The following C8orf34 variants were observed in gnomAD, a reference collection of about 807,000 sequenced individuals.
C8orf34 encodes chromosome 8 open reading frame 34, also known as uncharacterized protein C8orf34.
Under a neutral mutation model 68.3 loss-of-function variants are expected in C8orf34, and 65 were observed. That is an observed-to-expected ratio of 0.95 (90% CI 0.78 to 1.17). C8orf34 has a LOEUF of 1.17. Ranked by LOEUF, C8orf34 falls within the 50% of genes most tolerant of loss-of-function variation. C8orf34 has a pLI of 0.00. For synonymous variants in C8orf34, 244 were observed against 241.2 expected, an observed-to-expected ratio of 1.01 and a Z score of -0.11; for missense variants, 664 against 655.4, an observed-to-expected ratio of 1.01 and a Z score of -0.14.
chr8:68,525,956 CT>C (rs10692707), intron 6 of C8orf34: 9,316 of 177,958 alleles, frequency 0.052, 1 homozygote, highest in South Asian at 0.13. Flanking sequence ...TTCTTTCTTT[CT>C]TTTTTTTTTT....
At chr8:68,621,428 G>A (rs1204366688) in intron 7 of C8orf34, among the ~76,000 whole-genome samples, 1 of 152,164 alleles carries the variant, frequency 6.6e-6, no homozygotes, top group Non-Finnish European at 1.5e-5. Context: ...CAACATAGCT[G>A]TAATAAACAC....
At chr8:68,534,320 G>T in intron 7 of C8orf34, 1 of 985,384 alleles carries the variant, frequency 1.0e-6, no homozygotes, top group Non-Finnish European at 1.2e-6. Flanking sequence ...TAACATGGCA[G>T]ACGTGCCCTA....
chr8:68,418,397 A>T (rs1402678009), intron 1 of C8orf34, among the ~76,000 whole-genome samples: 1 of 151,942 alleles, frequency 6.6e-6, no homozygotes, highest in Admixed American at 6.6e-5. Context: ...ATGCTTCTAG[A>T]TTTTGCCCAT....
chr8:68,644,466 G>A (rs1819106263), intron 8 of C8orf34, among the ~76,000 whole-genome samples: 1 of 152,132 alleles, frequency 6.6e-6, no homozygotes, highest in South Asian at 2.1e-4. Flanking sequence ...CTGTCTTTAG[G>A]TGGATGAGGG....
At chr8:68,520,422 C>G (rs1814699065) in intron 5 of C8orf34, among the ~76,000 whole-genome samples, 1 of 151,992 alleles carries the variant, frequency 6.6e-6, no homozygotes, top group Non-Finnish European at 1.5e-5. Context: ...AGACTCAGAA[C>G]ACCATCTGAA....
intron 11 of C8orf34, among the ~76,000 whole-genome samples, chr8:68,778,264 A>C (rs2129528674): frequency 6.6e-6 from 1 of 152,322 alleles, no homozygotes; most frequent in South Asian, 2.1e-4. Flanking sequence ...GTAAACAATA[A>C]AAAATAGTAT....
At chr8:68,402,550 A>G (rs931635907) in intron 1 of C8orf34, among the ~76,000 whole-genome samples, 6 of 151,878 alleles carry the variant, frequency 4.0e-5, no homozygotes, top group African/African-American at 1.2e-4. Context: ...AATGTGATAA[A>G]CTTCCCTCTT....
At chr8:68,475,151 T>A (rs1004014128) in intron 4 of C8orf34, among the ~76,000 whole-genome samples, 5 of 152,182 alleles carry the variant, frequency 3.3e-5, no homozygotes, top group Non-Finnish European at 5.9e-5. Context: ...AGTCTCACCA[T>A]CAGCTCCTTC....
chr8:68,574,878 T>A (rs1816856935), intron 7 of C8orf34, among the ~76,000 whole-genome samples: 3 of 151,978 alleles, frequency 2.0e-5, no homozygotes, highest in Non-Finnish European at 2.9e-5. Context: ...TCAGTAAACA[T>A]GTCTTCTTTA....
At chr8:68,475,144 C>T (rs185072562) in intron 4 of C8orf34, among the ~76,000 whole-genome samples, 132 of 152,302 alleles carry the variant, frequency 8.7e-4, no homozygotes, top group African/African-American at 2.9e-3. Flanking sequence ...GCCCTGAAGT[C>T]TCACCATCAG....
chr8:68,780,594 C>A (rs1367443682), intron 11 of C8orf34, among the ~76,000 whole-genome samples: 1 of 152,060 alleles, frequency 6.6e-6, no homozygotes, highest in African/African-American at 2.4e-5. Context: ...TTTTACAATT[C>A]CCAAAATAAA....
chr8:68,333,868 C>G (rs1805736147), intron 1 of C8orf34, among the ~76,000 whole-genome samples: 1 of 152,168 alleles, frequency 6.6e-6, no homozygotes, highest in South Asian at 2.1e-4. Flanking sequence ...GTCAGTGTAG[C>G]TGACACAGGC....
At chr8:68,356,872 A>G (rs1049276797) in intron 1 of C8orf34, among the ~76,000 whole-genome samples, 1 of 152,146 alleles carries the variant, frequency 6.6e-6, no homozygotes, top group Admixed American at 6.6e-5. Flanking sequence ...ATATAGGAGC[A>G]TATAACGCCT....
intron 10 of C8orf34, among the ~76,000 whole-genome samples, chr8:68,736,978 C>A (rs1469354182): frequency 2.0e-5 from 3 of 151,982 alleles, no homozygotes; most frequent in Non-Finnish European, 4.4e-5. Context: ...TTTTATCTAA[C>A]TAAATAACAG....
chr8:68,562,538 A>G (rs1229516274), intron 7 of C8orf34, among the ~76,000 whole-genome samples: 2 of 152,230 alleles, frequency 1.3e-5, no homozygotes, highest in African/African-American at 4.8e-5. Flanking sequence ...CAACAAGCAC[A>G]GTTACTTAGA....
chr8:68,619,937 A>C (rs933247820), intron 7 of C8orf34, among the ~76,000 whole-genome samples: 24 of 152,214 alleles, frequency 1.6e-4, no homozygotes, highest in African/African-American at 5.1e-4. Context: ...TACTCCTCAG[A>C]ATAGAAAACC....
intron 5 of C8orf34, among the ~76,000 whole-genome samples, chr8:68,497,704 A>G (rs1279433508): frequency 6.6e-6 from 1 of 152,220 alleles, no homozygotes; most frequent in African/African-American, 2.4e-5. Context: ...TCTATGGATT[A>G]AGGAATGACC....
chr8:68,585,735 G>T (rs1038176859), intron 7 of C8orf34, among the ~76,000 whole-genome samples: 4 of 152,148 alleles, frequency 2.6e-5, no homozygotes, highest in African/African-American at 9.6e-5. Context: ...GGAGGCCTTA[G>T]TTCCTCACTG....
intron 5 of C8orf34, among the ~76,000 whole-genome samples, chr8:68,503,224 T>G (rs569794649): frequency 6.6e-6 from 1 of 152,334 alleles, no homozygotes; most frequent in East Asian, 1.9e-4. Flanking sequence ...GGAAAACTAA[T>G]TAAATATTTG....
Sources: allele counts gnomAD v4.1 joint callset (sites outside exome capture counted in the v4.1 genomes callset), GRCh38; gene constraint gnomAD v4.1.1; transcripts MANE v1.5; gene names NCBI Gene and HGNC (gene_info 2026-07-23, HGNC 2026-07-21).